Variants in KLHL13 observed in about 807,000 individuals in gnomAD.
KLHL13 encodes the protein kelch-like protein 13.
Under a neutral mutation model 37.1 loss-of-function variants are expected in KLHL13, and 10 were observed. The ratio of observed to expected loss-of-function variants is 0.27; its 90% CI spans 0.17 to 0.46. KLHL13 has a LOEUF of 0.46. KLHL13 is among the 20% of genes least tolerant of loss of function. KLHL13 has a pLI of 1.00. For missense variants in KLHL13, 360 were observed against 509.3 expected (o/e 0.71, Z 2.82); for synonymous variants, 163 against 181.2 (o/e 0.90, Z 0.81).
intron 1 of KLHL13, among the ~76,000 whole-genome samples, chrX:117,993,217 G>T (rs964362052): frequency 2.0e-4 from 22 of 111,207 alleles, no homozygotes; most frequent in Non-Finnish European, 2.3e-4. Context: ...AGAGGGTGCG[G>T]GTGCAAGACT....
chrX:117,945,351 C>T, intron 2 of KLHL13, 83 bp downstream of exon 3: 1 of 962,525 alleles, frequency 1.0e-6, no homozygotes, highest in Non-Finnish European at 1.5e-6. Flanking sequence ...CAACCTCCTC[C>T]ACTACTGACA....
intron 1 of KLHL13, among the ~76,000 whole-genome samples, chrX:118,031,874 G>A (rs192736562): frequency 0.016 from 1,739 of 108,583 alleles, 35 homozygotes; most frequent in African/African-American, 0.055. Context: ...GTGCAGGCCA[G>A]TGGCTGCGTG....
chrX:117,997,841 G>T (rs2147959801), intron 1 of KLHL13, among the ~76,000 whole-genome samples: 1 of 111,723 alleles, frequency 9.0e-6, no homozygotes, highest in South Asian at 3.8e-4. Flanking sequence ...TACCCCTGAA[G>T]GCACCCACAA....
intron 1 of KLHL13, among the ~76,000 whole-genome samples, chrX:118,055,062 G>A (rs966064365): frequency 9.0e-6 from 1 of 111,510 alleles, no homozygotes; most frequent in Admixed American, 9.6e-5. Context: ...TACTAAATTA[G>A]GTCACTCTAC....
At chrX:117,968,288 T>A (rs192364958) in intron 1 of KLHL13, among the ~76,000 whole-genome samples, 11 of 111,567 alleles carry the variant, frequency 9.9e-5, no homozygotes, top group Admixed American at 8.6e-4. Flanking sequence ...CTTGGTGAGG[T>A]AGTGAGCCCT....
chrX:118,075,046 T>C (rs1396646816), intron 1 of KLHL13, among the ~76,000 whole-genome samples: 2 of 112,005 alleles, frequency 1.8e-5, no homozygotes, highest in Non-Finnish European at 3.8e-5. Flanking sequence ...CCAAGTTCAA[T>C]ACACTACAGT....
exon 7 of KLHL13, chrX:117,898,797 T>C: frequency 1.2e-6 from 1 of 832,192 alleles, no homozygotes. Context: ...AATATCTGTA[T>C]CAATTACCAG....
intron 2 of KLHL13, among the ~76,000 whole-genome samples, chrX:117,944,861 C>T (rs1328849132): frequency 9.0e-6 from 1 of 111,565 alleles, no homozygotes; most frequent in African/African-American, 3.3e-5. Context: ...GTTTCTGTCC[C>T]CTGCTTTTAT....
chrX:118,102,943 C>A (rs2055306520), intron 1 of KLHL13, among the ~76,000 whole-genome samples: 1 of 112,060 alleles, frequency 8.9e-6, no homozygotes. Context: ...AAAATCCTCT[C>A]TCCTAAATTA....
At chrX:118,036,276 G>A (rs967301999) in intron 1 of KLHL13, among the ~76,000 whole-genome samples, 19 of 111,141 alleles carry the variant, frequency 1.7e-4, no homozygotes, top group East Asian at 2.8e-4. Context: ...AAAAGAGCCC[G>A]CATCACCAAG....
intron 1 of KLHL13, among the ~76,000 whole-genome samples, chrX:118,032,429 G>A (rs2054365930): frequency 8.9e-6 from 1 of 111,795 alleles, no homozygotes; most frequent in Admixed American, 9.4e-5. Flanking sequence ...GTGGGTCCCT[G>A]ACCCCTGACC....
intron 1 of KLHL13, among the ~76,000 whole-genome samples, chrX:118,046,633 G>T (rs187515703): frequency 4.8e-4 from 54 of 111,732 alleles, no homozygotes; most frequent in Middle Eastern, 4.6e-3. Flanking sequence ...TTACATGTCT[G>T]TATCTAAACA....
intron 1 of KLHL13, among the ~76,000 whole-genome samples, chrX:118,099,608 G>T (rs1458277707): frequency 1.8e-5 from 2 of 110,488 alleles, no homozygotes; most frequent in Non-Finnish European, 3.8e-5. Flanking sequence ...CCAGGAGTTC[G>T]AGACCAACCA....
intron 1 of KLHL13, among the ~76,000 whole-genome samples, chrX:118,090,659 A>G (rs2055121047): frequency 9.1e-6 from 1 of 110,187 alleles, no homozygotes; most frequent in African/African-American, 3.3e-5. Flanking sequence ...GAGAAATAGG[A>G]ACACTTTTAC....
At chrX:118,048,956 T>A (rs760812988) in intron 1 of KLHL13, among the ~76,000 whole-genome samples, 1 of 112,165 alleles carries the variant, frequency 8.9e-6, no homozygotes, top group African/African-American at 3.2e-5. Context: ...TATTCATAAG[T>A]ATTTAAGTAA....
intron 6 of KLHL13, among the ~76,000 whole-genome samples, chrX:117,900,461 A>C (rs1451664561): frequency 8.9e-6 from 1 of 111,853 alleles, no homozygotes; most frequent in Non-Finnish European, 1.9e-5. Flanking sequence ...CATTTTTCTC[A>C]GAGGAGTTGG....
chrX:117,991,846 A>ACTCT (rs56373597), intron 1 of KLHL13, among the ~76,000 whole-genome samples: 2,188 of 63,439 alleles, frequency 0.034, 56 homozygotes, highest in Middle Eastern at 0.05. Flanking sequence ...CTACAGTGAA[A>ACTCT]CTCTCTCTCT....
At chrX:118,115,800 G>A (rs997653308) in intron 1 of KLHL13, among the ~76,000 whole-genome samples, 1 of 111,964 alleles carries the variant, frequency 8.9e-6, no homozygotes, top group Non-Finnish European at 1.9e-5. Context: ...TATTGTTCTT[G>A]GACTAAGTTA....
At chrX:117,918,096 A>C (rs1931474885) in intron 4 of KLHL13, among the ~76,000 whole-genome samples, 1 of 111,749 alleles carries the variant, frequency 8.9e-6, no homozygotes, top group African/African-American at 3.2e-5. Flanking sequence ...GAGGCAAGCA[A>C]TAGCATGGGA....
Sources: gnomAD v4.1 joint callset for allele counts (sites outside exome capture counted in the v4.1 genomes callset) on GRCh38, gnomAD v4.1.1 for gene constraint, MANE v1.5 for transcripts, NCBI Gene and HGNC (gene_info 2026-07-23, HGNC 2026-07-21) for gene names.